Variants in SLC8A1 observed in about 807,000 individuals in gnomAD.
The protein encoded by SLC8A1 is sodium/calcium exchanger 1.
SLC8A1 carries 18 observed loss-of-function variants against 68.3 expected under a neutral mutation model. That is an observed-to-expected ratio of 0.26 (90% CI 0.18 to 0.39). The LOEUF (loss-of-function observed/expected upper bound fraction) is 0.39, where lower values mean the gene tolerates loss of function less well. Ranked by LOEUF, SLC8A1 falls within the 10% of genes least tolerant of loss-of-function variation. The pLI, the probability that SLC8A1 is intolerant of heterozygous loss-of-function variation, is 1.00. For synonymous variants in SLC8A1, 475 were observed against 415.5 expected (o/e 1.14, Z -1.74); for missense variants, 985 against 1,156.7 (o/e 0.85, Z 2.15).
At chr2:40,158,102 T>C (rs1211864633) in intron 6 of SLC8A1, among the ~76,000 whole-genome samples, 1 of 152,160 alleles carries the variant, frequency 6.6e-6, no homozygotes, top group East Asian at 1.9e-4. Context: ...GCACAGAAAA[T>C]TGCATAGCAA....
rs1199051824 is a variant in SLC8A1, at chr2:40,350,656, TGTA to T, written c.1808+77814_1808+77816del. Reference sequence around the variant, plus strand: ...TGTATGGCTGAATTATTACTCTATGTGTAAATTTGTCTTAACATTAGCCTTATA... The same window carrying T: ...TGTATGGCTGAATTATTACTCTATGTAATTTGTCTTAACATTAGCCTTATA... On this transcript the variant is annotated intron_variant, in intron 2 of 7. Coordinates refer to ENST00000406785, the Ensembl canonical transcript of SLC8A1. Among the ~76,000 whole-genome samples the T allele has an allele frequency of 2.7e-5, 4 of 146,154 alleles. No individual in the cohort carries two copies. In the East Asian group the frequency reaches 8.2e-4, roughly 30 times the overall value.
intron 2 of SLC8A1, among the ~76,000 whole-genome samples, chr2:40,392,067 A>AG (rs2149603632): frequency 6.7e-6 from 1 of 150,236 alleles, no homozygotes; most frequent in South Asian, 2.1e-4. Context: ...AGAAGGAAGG[A>AG]GAAGGAAGGA....
chr2:40,439,462 C>G (rs1010506216), intron 1 of SLC8A1, among the ~76,000 whole-genome samples: 2 of 152,142 alleles, frequency 1.3e-5, no homozygotes, highest in Non-Finnish European at 2.9e-5. Flanking sequence ...CATTTCAACT[C>G]AAGAACGAAT....
exon 8 of SLC8A1, chr2:40,112,609 G>A (rs1257553694): frequency 6.7e-6 from 1 of 149,892 alleles, no homozygotes; most frequent in Non-Finnish European, 1.5e-5. Context: ...TATATTCCTT[G>A]AATATATTTA....
intron 2 of SLC8A1, among the ~76,000 whole-genome samples, chr2:40,379,617 A>C (rs917675079): frequency 2.0e-5 from 3 of 150,584 alleles, no homozygotes; most frequent in Admixed American, 6.6e-5. Context: ...TTCCAGACTA[A>C]TGTTTCCATA....
At chr2:40,299,657 TC>T (rs1441986519) in intron 2 of SLC8A1, among the ~76,000 whole-genome samples, 1 of 152,066 alleles carries the variant, frequency 6.6e-6, no homozygotes, top group Non-Finnish European at 1.5e-5. Context: ...GCCTAAATCC[TC>T]CCCCACCTTC....
At chr2:40,385,390 T>G (rs1326906144) in intron 2 of SLC8A1, among the ~76,000 whole-genome samples, 1 of 149,208 alleles carries the variant, frequency 6.7e-6, no homozygotes, top group Non-Finnish European at 1.5e-5. Flanking sequence ...TTCATTTATT[T>G]TTTCCTACCT....
intron 2 of SLC8A1, among the ~76,000 whole-genome samples, chr2:40,401,780 T>G (rs764451415): frequency 2.0e-5 from 3 of 152,150 alleles, no homozygotes; most frequent in Non-Finnish European, 2.9e-5. Context: ...TATATTGATC[T>G]TACATTTTGG....
intron 2 of SLC8A1, among the ~76,000 whole-genome samples, chr2:40,279,671 T>C (rs1297579674): frequency 6.6e-6 from 1 of 152,248 alleles, no homozygotes; most frequent in Non-Finnish European, 1.5e-5. Context: ...CTGGAAATCC[T>C]ATTTCAGTCC....
chr2:40,446,940 G>A (rs769095856), intron 1 of SLC8A1, among the ~76,000 whole-genome samples: 2 of 152,182 alleles, frequency 1.3e-5, no homozygotes, highest in Non-Finnish European at 2.9e-5. Context: ...TACACTGAAT[G>A]CTCCATAAAT....
At chr2:40,223,143 A>G (rs903694978) in intron 2 of SLC8A1, among the ~76,000 whole-genome samples, 1 of 152,230 alleles carries the variant, frequency 6.6e-6, no homozygotes, top group African/African-American at 2.4e-5. Context: ...TAGACTGGAT[A>G]AAGAAAATGT....
intron 2 of SLC8A1, chr2:40,208,244 CTAG>C (rs1198562242): frequency 2.0e-5 from 3 of 152,150 alleles, no homozygotes; most frequent in Non-Finnish European, 2.9e-5. Flanking sequence ...CTCTTGCTTT[CTAG>C]TTCCAGCTCT....
At chr2:40,277,515 G>C (rs2066880924) in intron 2 of SLC8A1, among the ~76,000 whole-genome samples, 2 of 151,792 alleles carry the variant, frequency 1.3e-5, no homozygotes, top group African/African-American at 4.8e-5. Context: ...CCTCCAGCCT[G>C]GGCAACAGAG....
intron 6 of SLC8A1, among the ~76,000 whole-genome samples, chr2:40,141,010 A>T (rs901880195): frequency 1.5e-4 from 23 of 152,236 alleles, no homozygotes; most frequent in Non-Finnish European, 2.9e-5. Context: ...TTGAATGTCA[A>T]CTTTTCTTGA....
At chr2:40,395,501 T>C (rs7578579) in intron 2 of SLC8A1, among the ~76,000 whole-genome samples, 3 of 152,126 alleles carry the variant, frequency 2.0e-5, no homozygotes, top group Non-Finnish European at 4.4e-5. Flanking sequence ...GCTACCCTGC[T>C]TGTGGTGTTC....
chr2:40,137,214 C>G (rs1367411853), intron 7 of SLC8A1, among the ~76,000 whole-genome samples: 1 of 152,052 alleles, frequency 6.6e-6, no homozygotes, highest in East Asian at 1.9e-4. Context: ...CACACAGAGG[C>G]CTTTTGGAAG....
chr2:40,365,817 A>G (rs903185293), intron 2 of SLC8A1, among the ~76,000 whole-genome samples: 7 of 151,938 alleles, frequency 4.6e-5, no homozygotes, highest in African/African-American at 1.7e-4. Flanking sequence ...ACTGGGCAAT[A>G]CGGTAAGATC....
chr2:40,502,670 C>A, intron 1 of SLC8A1, among the ~76,000 whole-genome samples: 1 of 151,930 alleles, frequency 6.6e-6, no homozygotes, highest in East Asian at 1.9e-4. Context: ...ATAATAAACA[C>A]ATTACTCAGA....
intron 2 of SLC8A1, among the ~76,000 whole-genome samples, chr2:40,331,698 A>C (rs2076430216): frequency 6.6e-6 from 1 of 151,760 alleles, no homozygotes; most frequent in Admixed American, 6.6e-5. Flanking sequence ...GGTTCAAGCG[A>C]TTCTCCTGCC....
Sources: allele counts gnomAD v4.1 joint callset (sites outside exome capture counted in the v4.1 genomes callset), GRCh38; gene constraint gnomAD v4.1.1; transcripts MANE v1.5; gene names NCBI Gene and HGNC (gene_info 2026-07-23, HGNC 2026-07-21).